The following ABCA13 variants were observed in gnomAD, a reference collection of about 807,000 sequenced individuals.
The protein encoded by ABCA13 is ATP-binding cassette sub-family A member 13.
ABCA13 carries 476 observed loss-of-function variants against 478.7 expected under a neutral mutation model. The ratio of observed to expected loss-of-function variants is 0.99; its 90% confidence interval spans 0.92 to 1.07. The LOEUF (loss-of-function observed/expected upper bound fraction) is 1.07. Ranked by LOEUF, ABCA13 falls within the 50% of genes least tolerant of loss-of-function variation. The pLI is 0.00. For missense variants in ABCA13, 6,060 were observed against 5,910.6 expected (o/e 1.03, Z -0.83); for synonymous variants, 2,252 against 2,158.9 (o/e 1.04, Z -1.20).
At chr7:48,595,358 A>T (rs1202639472) in intron 58 of ABCA13, among the ~76,000 whole-genome samples, 1 of 152,220 alleles carries the variant, frequency 6.6e-6, no homozygotes, top group African/African-American at 2.4e-5. Context: ...AAACCTACTT[A>T]TGGGGAGTGA....
chr7:48,545,554 A>G (rs6955102), intron 55 of ABCA13, among the ~76,000 whole-genome samples: 21,243 of 151,600 alleles, frequency 0.14, 2,051 homozygotes, highest in African/African-American at 0.23. Context: ...CACAGCTCAT[A>G]TATCATTTTT....
intron 11 of ABCA13, 61 bp from the exon 12 acceptor site, chr7:48,245,451 A>C: frequency 2.3e-6 from 3 of 1,285,134 alleles, no homozygotes; most frequent in Non-Finnish European, 3.3e-6. Context: ...ATTCATGGCC[A>C]TGTATAAAAG....
chr7:48,438,799 TCTC>T (rs1252777666), intron 42 of ABCA13, among the ~76,000 whole-genome samples: 1 of 151,836 alleles, frequency 6.6e-6, no homozygotes, highest in Non-Finnish European at 1.5e-5. Context: ...TTTTTGGAAA[TCTC>T]CTTAGCTAAA....
chr7:48,595,021 A>G (rs761826973), intron 58 of ABCA13, among the ~76,000 whole-genome samples: 1 of 152,196 alleles, frequency 6.6e-6, no homozygotes, highest in Non-Finnish European at 1.5e-5. Context: ...TACATAGCAA[A>G]TAGGTGGCAG....
At chr7:48,203,723 A>G (rs1784531588) in intron 3 of ABCA13, among the ~76,000 whole-genome samples, 1 of 152,178 alleles carries the variant, frequency 6.6e-6, no homozygotes, top group Non-Finnish European at 1.5e-5. Context: ...ATGCTTTGTA[A>G]TGCGAATGTG....
At chr7:48,383,979 T>C (rs1051841835) in intron 35 of ABCA13, among the ~76,000 whole-genome samples, 3 of 152,254 alleles carry the variant, frequency 2.0e-5, no homozygotes, top group African/African-American at 7.2e-5. Flanking sequence ...TTCTGCTTTT[T>C]CCCCACTATA....
At chr7:48,190,758 T>C (rs1407462527) in intron 1 of ABCA13, among the ~76,000 whole-genome samples, 2 of 152,368 alleles carry the variant, frequency 1.3e-5, no homozygotes, top group Non-Finnish European at 2.9e-5. Flanking sequence ...AGTGCTGTTA[T>C]GGAAAATTGG....
At chr7:48,476,358 T>C (rs1828087171) in intron 45 of ABCA13, among the ~76,000 whole-genome samples, 1 of 152,134 alleles carries the variant, frequency 6.6e-6, no homozygotes, top group Non-Finnish European at 1.5e-5. Context: ...TCGCTGCTTG[T>C]AGAAAGAGGC....
chr7:48,600,169 G>A (rs191687404), intron 58 of ABCA13, among the ~76,000 whole-genome samples: 1 of 152,140 alleles, frequency 6.6e-6, no homozygotes, highest in Non-Finnish European at 1.5e-5. Flanking sequence ...ATTATGAAAT[G>A]TCTCTGTTTT....
At chr7:48,231,703 C>T (rs547814758) in intron 7 of ABCA13, among the ~76,000 whole-genome samples, 33 of 151,932 alleles carry the variant, frequency 2.2e-4, no homozygotes, top group African/African-American at 8.0e-4. Context: ...GCTCTTTTGC[C>T]CAGGCGGCAG....
intron 58 of ABCA13, among the ~76,000 whole-genome samples, chr7:48,607,142 C>G (rs905861008): frequency 3.3e-5 from 5 of 151,858 alleles, no homozygotes; most frequent in South Asian, 2.1e-4. Flanking sequence ...TTGCTGGGCT[C>G]TGTGGGGGTG....
At chr7:48,456,751 G>A (rs1242635039) in intron 43 of ABCA13, among the ~76,000 whole-genome samples, 1 of 151,804 alleles carries the variant, frequency 6.6e-6, no homozygotes, top group Non-Finnish European at 1.5e-5. Context: ...GTTGTTGGAG[G>A]CACATTAATT....
chr7:48,236,496 G>A (rs1041134208), intron 8 of ABCA13, among the ~76,000 whole-genome samples: 3 of 152,124 alleles, frequency 2.0e-5, no homozygotes, highest in African/African-American at 7.2e-5. Context: ...ACTTTGGGGT[G>A]GCGTATTCTG....
At position 48,279,405 on chromosome 7, in the gene ABCA13, G is replaced by T. The variant is rs370096043; in HGVS notation, c.8211G>T (p.Met2737Ile). 33 of 1,601,056 alleles carry T rather than the reference G, an allele frequency of 2.1e-5. No individual in the cohort carries two copies. Among genetic ancestry groups the T allele is most frequent in the Non-Finnish European group, 2.8e-5 (33 of 1,172,522 alleles). The change falls in exon 18 of 62, where the codon ATG becomes ATT. Residue 2737 changes from methionine (M) to isoleucine (I), a missense_variant. Coordinates refer to ENST00000435803, the MANE Select transcript of ABCA13 (RefSeq NM_152701.5). ...CAGAAATAGGATCTTTCTTGAAAAT[G>T]GTGATCTGTCTCACCTTAGAAGCTC... ...NSTEIGSFLKMVICLTLEALW... is the reference protein window; with the variant it reads ...NSTEIGSFLKIVICLTLEALW...
At chr7:48,377,056 C>A (rs1813597835) in intron 35 of ABCA13, among the ~76,000 whole-genome samples, 2 of 152,034 alleles carry the variant, frequency 1.3e-5, no homozygotes. Flanking sequence ...ACAGGGTGGG[C>A]TGGGAGTGAG....
At chr7:48,546,511 T>C (rs930114970) in intron 55 of ABCA13, among the ~76,000 whole-genome samples, 1 of 151,826 alleles carries the variant, frequency 6.6e-6, no homozygotes, top group African/African-American at 2.4e-5. Flanking sequence ...AATCTTGCGC[T>C]ATGATCGTGT....
At chr7:48,240,373 C>T (rs6583458) in intron 9 of ABCA13, among the ~76,000 whole-genome samples, 72,189 of 151,882 alleles carry the variant, frequency 0.48, 17,562 homozygotes, top group Middle Eastern at 0.57. Context: ...CTCTCCATGC[C>T]ATCAGGCTTG....
At chr7:48,177,477 GC>G (rs1204797639) in intron 1 of ABCA13, among the ~76,000 whole-genome samples, 3 of 152,188 alleles carry the variant, frequency 2.0e-5, no homozygotes, top group Non-Finnish European at 2.9e-5. Flanking sequence ...CTCAGCAGCG[GC>G]CCACACCCAG....
At chr7:48,319,804 G>C (rs1436345166) in intron 27 of ABCA13, among the ~76,000 whole-genome samples, 1 of 152,122 alleles carries the variant, frequency 6.6e-6, no homozygotes, top group Admixed American at 6.5e-5. Flanking sequence ...CTCTTTGAAG[G>C]ACTCTTCTCC....
Sources: gnomAD v4.1 joint callset for allele counts (sites outside exome capture counted in the v4.1 genomes callset) on GRCh38, gnomAD v4.1.1 for gene constraint, MANE v1.5 for transcripts, NCBI Gene and HGNC (gene_info 2026-07-23, HGNC 2026-07-21) for gene names.